The following BAZ2A variants were observed in gnomAD, a reference collection of about 807,000 sequenced individuals.
BAZ2A encodes bromodomain adjacent to zinc finger domain protein 2A.
A neutral mutation model predicts 199.9 loss-of-function variants in BAZ2A; 34 were observed. The ratio of observed to expected loss-of-function variants is 0.17; its 90% CI spans 0.13 to 0.23. The LOEUF (loss-of-function observed/expected upper bound fraction) is 0.23. BAZ2A is among the 10% of genes least tolerant of loss of function. The pLI is 1.00. For missense variants in BAZ2A, 2,002 were observed against 2,391.1 expected, an observed-to-expected ratio of 0.84 and a Z score of 3.39; for synonymous variants, 857 against 883.9, an observed-to-expected ratio of 0.97 and a Z score of 0.54.
intron 20 of BAZ2A, 61 bp downstream of exon 20, chr12:56,601,485 C>T: frequency 6.3e-7 from 1 of 1,594,106 alleles, no homozygotes; most frequent in African/African-American, 1.3e-5. Flanking sequence ...GCTCCACACC[C>T]AGGCAATGGT....
In BAZ2A at chr12:56,599,973, G is replaced by C; in HGVS notation, c.5016C>G (p.Val1672=). Residue 1672 remains valine (V), a synonymous_variant, in exon 25 of 29, where the codon GTC becomes GTG. Coordinates refer to ENST00000549884, the MANE Select transcript of BAZ2A (RefSeq NM_001300905.2). ...LERSIAWEKS[V]NKVTCLVCRK... is the part of the protein sequence containing the mutation. ...TCTCTCAGCCTCTTACCACTTTGTT[G>C]ACAGACTTCTCCCAGGCAATGGACC... The C allele has an allele frequency of 6.2e-7, 1 of 1,613,964 alleles. No individual in the cohort carries two copies. Among genetic ancestry groups the C allele is most frequent in the Non-Finnish European group, 8.5e-7 (1 of 1,179,876 alleles).
chr12:56,610,310 T>C, intron 8 of BAZ2A, 95 bp from the exon 9 acceptor site: 2 of 1,572,870 alleles, frequency 1.3e-6, no homozygotes, highest in Non-Finnish European at 1.7e-6. Flanking sequence ...GAGCAGACAA[T>C]GCCAGCCTGT....
Position 56,597,584 on chromosome 12 carries a change from C to CACACACACACA in BAZ2A, c.*1033_*1034insTGTGTGTGTGT, listed in dbSNP as rs1434061612. 458 of 20,456 alleles carry CACACACACACA rather than the reference C, an allele frequency of 0.022. 18 individuals carry two copies. In the East Asian group the frequency reaches 0.36, roughly 16 times the overall value. The allele number at this position is 20,456 out of a possible 1,614,324, so 1.3% of individuals were successfully genotyped here. A position where few individuals can be genotyped will look rare whatever the true frequency, so the allele number is the denominator to read the frequency against. On this transcript the variant is annotated 3_prime_UTR_variant, in exon 29 of 29. Coordinates refer to ENST00000549884, the MANE Select transcript of BAZ2A (RefSeq NM_001300905.2). Reference sequence around the variant, plus strand: ...CACGCACACACACACACACACACAGCGCGCGCTCTGAGGCTGACACACACA... The same window carrying CACACACACACA: ...CACGCACACACACACACACACACAGCACACACACACAGCGCGCTCTGAGGCTGACACACACA...
In BAZ2A at chr12:56,603,350, G is replaced by A; in HGVS notation, c.3279+9C>T. ...ATCTCCAACTCTTGGGAGGTTAGAAGCACAATACCTTGCTGAGTTTTTCTA... is the reference window on the plus strand; with the variant it reads ...ATCTCCAACTCTTGGGAGGTTAGAAACACAATACCTTGCTGAGTTTTTCTA... On this transcript the variant is annotated intron_variant, in intron 18 of 28. Coordinates refer to ENST00000549884, the MANE Select transcript of BAZ2A (RefSeq NM_001300905.2). The A allele has an allele frequency of 6.2e-7, 1 of 1,613,750 alleles. No homozygotes were observed. Among genetic ancestry groups the A allele is most frequent in the East Asian group, 2.2e-5 (1 of 44,892 alleles).
At chr12:56,611,664 T>C (rs370240448) in intron 6 of BAZ2A, 31 bp from the exon 7 acceptor site, 15 of 1,577,138 alleles carry the variant, frequency 9.5e-6, no homozygotes, top group Non-Finnish European at 1.7e-6. Flanking sequence ...AAGTTAAGAG[T>C]TCAAGCAAAA....
Position 56,596,392 on chromosome 12 carries a change from G to T in BAZ2A, c.*2226C>A, listed in dbSNP as rs1368221503. 2.0e-5 allele frequency: 3 copies of T among 152,586 alleles called. No individual in the cohort carries two copies. The highest frequency in any genetic ancestry group is 4.4e-5 in the Non-Finnish European group (3 of 68,064). The allele number at this position is 152,586 out of a possible 1,614,324, so 9.5% of individuals were successfully genotyped here. A position where few individuals can be genotyped will look rare whatever the true frequency, so the allele number is the denominator to read the frequency against. ...AGCAAGAAATGGCCCCTTTGATCATGCCCTATCCCTACCACCCCCAACCCC... is the reference window on the plus strand; with the variant it reads ...AGCAAGAAATGGCCCCTTTGATCATTCCCTATCCCTACCACCCCCAACCCC... On this transcript the variant is annotated 3_prime_UTR_variant, in exon 29 of 29. Transcript: ENST00000549884.
At chr12:56,618,342 A>G (rs769327606) in intron 1 of BAZ2A, among the ~76,000 whole-genome samples, 7 of 152,172 alleles carry the variant, frequency 4.6e-5, no homozygotes, top group Non-Finnish European at 7.3e-5. Context: ...AGATACTTAT[A>G]TTTGTAAAGT....
At chr12:56,626,928 T>C (rs1951112480) in intron 1 of BAZ2A, among the ~76,000 whole-genome samples, 1 of 152,202 alleles carries the variant, frequency 6.6e-6, no homozygotes, top group African/African-American at 2.4e-5. Flanking sequence ...AAAAGGATGC[T>C]GACATCAGAT....
At chr12:56,617,356 G>GC in intron 2 of BAZ2A, 39 bp downstream of exon 2, 2 of 1,548,940 alleles carry the variant, frequency 1.3e-6, no homozygotes, top group Non-Finnish European at 1.7e-6. Context: ...AAGGGATGAT[G>GC]CCCATTCCCT....
In BAZ2A at chr12:56,604,781, C is replaced by T. The variant is rs370740825; in HGVS notation, c.2767G>A (p.Glu923Lys). ...GTCAGTGGGATCTCAGACACCTTCT[C>T]CCCCAAGATCTTTAGGGACTGTGTG... Reference protein sequence around the residue: ...SYCQSLKILGEKVSEIPLTRD... With the variant: ...SYCQSLKILGKKVSEIPLTRD... Residue 923 changes from glutamate to lysine, a missense_variant, in exon 15 of 29, where the codon GAG becomes AAG. By Grantham distance (56) the Glu-to-Lys change is moderately conservative. Coordinates refer to ENST00000549884, the MANE Select transcript of BAZ2A (RefSeq NM_001300905.2). The T allele has an allele frequency of 6.6e-5, 107 of 1,613,412 alleles. No homozygotes were observed. The highest frequency in any genetic ancestry group is 9.1e-5 in the Non-Finnish European group (107 of 1,179,780).
chr12:56,613,344 G>T, intron 4 of BAZ2A, 111 bp from the exon 5 acceptor site: 1 of 1,085,558 alleles, frequency 9.2e-7, no homozygotes, highest in Non-Finnish European at 1.4e-6. Flanking sequence ...ACAATGTGAA[G>T]ATTCTTCCTA....
At chr12:56,611,082 G>A (rs565945766) in intron 7 of BAZ2A, among the ~76,000 whole-genome samples, 46 of 152,304 alleles carry the variant, frequency 3.0e-4, no homozygotes, top group Non-Finnish European at 5.7e-4. Flanking sequence ...TTGAGGGGCA[G>A]GGGTGGGGAA....
At chr12:56,630,810 A>G (rs1951289163), upstream of BAZ2A, 5 of 985,478 alleles carry the variant, frequency 5.1e-6, no homozygotes, top group Non-Finnish European at 6.0e-6. Flanking sequence ...TCCTGCCTGG[A>G]TCACCACTTT....
Position 56,613,991 on chromosome 12 carries a change from C to T in BAZ2A, c.878G>A (p.Ser293Asn), listed in dbSNP as rs1364905760. ...GTTGAAGGGCTCCAGAGAGTCTTCA[C>T]TGAGGATTGGAGTGTCTTCCAGTTG... ...PDQLEDTPIL[S>N]EDSLEPFNSL... Residue 293 changes from serine (S) to asparagine (N), a missense_variant, in exon 4 of 29, where the codon AGT (serine) becomes AAT (asparagine). Ser to Asn is a conservative substitution (Grantham distance 46, BLOSUM62 1). This residue lies in a region of BAZ2A where 641 missense variants were observed against 694.5 expected (regional missense o/e 0.92). Transcript: ENST00000549884. 2 of 1,613,870 alleles carry T rather than the reference C, an allele frequency of 1.2e-6. No individual in the cohort carries two copies. Among genetic ancestry groups the T allele is most frequent in the Admixed American group, 3.3e-5 (2 of 60,008 alleles).
rs779746163 is a variant in BAZ2A, at chr12:56,601,320, C to G, written c.4154G>C (p.Arg1385Pro). Residue 1385 changes from arginine (R) to proline (P), a missense_variant, in exon 21 of 29, where the codon CGA (arginine) becomes CCA (proline). Arg to Pro is a moderately radical substitution (Grantham distance 103, BLOSUM62 -2). Coordinates refer to ENST00000549884, the MANE Select transcript of BAZ2A (RefSeq NM_001300905.2). Reference protein sequence around the residue: ...TPLAGLAPKRRAGDPGEMPQS... With the variant: ...TPLAGLAPKRPAGDPGEMPQS... ...TGGCATTTCTCCAGGGTCTCCTGCT[C>G]GCCTCTTAGGGGCCAACCCAGCCAA... The G allele has an allele frequency of 1.2e-6, 2 of 1,613,918 alleles. No individual in the cohort carries two copies. Among genetic ancestry groups the G allele is most frequent in the Non-Finnish European group, 1.7e-6 (2 of 1,179,890 alleles).
intron 8 of BAZ2A, 68 bp from the exon 9 acceptor site, chr12:56,610,283 T>C (rs1592585030): frequency 6.3e-7 from 1 of 1,589,482 alleles, no homozygotes; most frequent in Non-Finnish European, 8.6e-7. Flanking sequence ...AGCAAAGGCA[T>C]AAGCAGAACA....
At position 56,595,995 on chromosome 12, in the gene BAZ2A, G is replaced by C. The variant is rs1885767532; in HGVS notation, c.*2623C>G. 1 of 152,662 alleles carries C rather than the reference G, an allele frequency of 6.6e-6. No individual in the cohort carries two copies. Among genetic ancestry groups the C allele is most frequent in the Non-Finnish European group, 1.5e-5 (1 of 68,048 alleles). 9.5% of individuals were successfully genotyped at this position (152,662 alleles called of 1,614,324 possible). On this transcript the variant is annotated 3_prime_UTR_variant, in exon 29 of 29. Transcript: ENST00000549884. ...GCACTTTTCTACAGCTGCACTTGTG[G>C]AACATCACATGGCAAAAACAGGAGT...
chr12:56,615,722 T>G (rs1950695861), intron 2 of BAZ2A, 115 bp from the exon 3 acceptor site: 37 of 794,580 alleles, frequency 4.7e-5, no homozygotes, highest in East Asian at 5.5e-5. Context: ...GGAAGGGGGA[T>G]TCCTCCCCTG....
chr12:56,629,983 A>C, intron 1 of BAZ2A, 142 bp downstream of exon 1: 1 of 592,456 alleles, frequency 1.7e-6, no homozygotes, highest in South Asian at 7.4e-5. Flanking sequence ...CTCGGGTTGG[A>C]TCCTCGCAGG....
Sources: allele counts gnomAD v4.1 joint callset (sites outside exome capture counted in the v4.1 genomes callset), GRCh38; gene constraint gnomAD v4.1.1; regional missense constraint gnomAD v4.1.1; transcripts MANE v1.5; gene names NCBI Gene and HGNC (gene_info 2026-07-23, HGNC 2026-07-21).